ANO1: variants seen among roughly 807,000 people sequenced by gnomAD.
ANO1 encodes the protein anoctamin-1.
In ANO1, 59 loss-of-function variants were observed where a neutral mutation model predicts 124.0. The ratio of observed to expected loss-of-function variants is 0.48; its 90% CI spans 0.39 to 0.59. The LOEUF is 0.59. Among genes scored for constraint, ANO1 ranks in the 20% least tolerant of loss-of-function variants. ANO1 has a pLI of 0.00. For synonymous variants in ANO1, 529 were observed against 532.0 expected (o/e 0.99, Z 0.08); for missense variants, 1,059 against 1,328.0 (o/e 0.80, Z 3.15).
intron 1 of ANO1, among the ~76,000 whole-genome samples, chr11:69,998,309 C>A (rs1450975830): frequency 2.0e-5 from 3 of 152,232 alleles, no homozygotes; most frequent in African/African-American, 7.2e-5. Flanking sequence ...GCCTCTTGCC[C>A]CTTCCCCACC....
In ANO1 at chr11:70,105,801, C is replaced by A. The variant is rs753271806; in HGVS notation, c.747+13C>A. On this transcript the variant is annotated intron_variant, in intron 5 of 25. Coordinates refer to ENST00000355303, the MANE Select transcript of ANO1 (RefSeq NM_018043.7). ...CCGGAGCACGATTGTAAGTATCGCA[C>A]GCGCCTGGAAACGGCTCACTGGCAA... 6.2e-7 allele frequency: 1 copy of A among 1,612,488 alleles called. No homozygotes were observed. The highest frequency in any genetic ancestry group is 1.7e-5 in the Admixed American group (1 of 59,992).
intron 1 of ANO1, among the ~76,000 whole-genome samples, chr11:69,996,610 C>T (rs1010704547): frequency 2.0e-5 from 3 of 152,202 alleles, no homozygotes; most frequent in Non-Finnish European, 4.4e-5. Flanking sequence ...GGTCCAACCT[C>T]GTCCTTGAAC....
At chr11:70,014,849 T>C (rs1453183642) in intron 1 of ANO1, 2 of 149,446 alleles carry the variant, frequency 1.3e-5, no homozygotes, top group Non-Finnish European at 2.9e-5. Flanking sequence ...TTTCTTTTTT[T>C]TTTTTTTAGA....
Position 70,087,948 on chromosome 11 carries a change from C to A in ANO1, c.305C>A (p.Pro102Gln), listed in dbSNP as rs1158620064. 5 of 1,599,422 alleles carry A rather than the reference C, an allele frequency of 3.1e-6. No homozygotes were observed. Among genetic ancestry groups the A allele is most frequent in the Non-Finnish European group, 4.3e-6 (5 of 1,172,656 alleles). Residue 102 changes from proline (P) to glutamine (Q), a missense_variant, in exon 2 of 26, where the codon CCG (proline) becomes CAG (glutamine). By Grantham distance (76) the Pro-to-Gln change is moderately conservative (BLOSUM62 -1). Transcript: ENST00000355303. Reference protein sequence around the residue: ...ARSVKQDHPLPGKGASLDAGS... With the variant: ...ARSVKQDHPLQGKGASLDAGS... ...AGCGTCAAGCAGGACCACCCCCTGC[C>A]GGGCAAGGGGGCGTCGCTGGATGCA... is the stretch of plus-strand genomic sequence containing the variant.
chr11:70,086,772 G>A lies in ANO1; in HGVS notation c.109-980G>A, dbSNP rs537188943. 9.2e-4 allele frequency among the ~76,000 whole-genome samples: 140 copies of A among 152,296 alleles called. 1 individual carries two copies. The highest frequency in any genetic ancestry group is 3.0e-3 in the African/African-American group (126 of 41,552). ...AGGACGGACCCCAGCTGCACATAGC[G>A]GTGGCCGCTCCTTAACCCACCCCTG... is the stretch of plus-strand genomic sequence containing the variant. On this transcript the variant is annotated intron_variant, in intron 1 of 25. Coordinates refer to ENST00000355303, the MANE Select transcript of ANO1 (RefSeq NM_018043.7).
chr11:70,136,590 C>T (rs1374925759), intron 11 of ANO1, among the ~76,000 whole-genome samples: 1 of 147,534 alleles, frequency 6.8e-6, no homozygotes, highest in Non-Finnish European at 1.5e-5. Context: ...GGCCTGCAAG[C>T]CTCTGTGAGC....
chr11:70,023,074 C>G (rs543081134), intron 1 of ANO1, among the ~76,000 whole-genome samples: 51 of 152,364 alleles, frequency 3.3e-4, no homozygotes, highest in Admixed American at 9.8e-4. Context: ...CCAGAAGGAA[C>G]AGCCCTGCTG....
chr11:70,022,902 A>C (rs1555002758), intron 1 of ANO1, among the ~76,000 whole-genome samples: 2 of 152,200 alleles, frequency 1.3e-5, no homozygotes. Context: ...CTTATAAGTA[A>C]GAGGAGGCAG....
Position 70,078,504 on chromosome 11 carries a change from T to A in ANO1, c.-103T>A. On this transcript the variant is annotated 5_prime_UTR_variant, in exon 1 of 26. Coordinates refer to ENST00000355303, the MANE Select transcript of ANO1 (RefSeq NM_018043.7). Reference sequence around the variant, plus strand: ...CTGGGCGCGGGGAGGCCCGGCCCCCTGCGAGCGCGCCGCGAACGCTGCGGT... The same window carrying A: ...CTGGGCGCGGGGAGGCCCGGCCCCCAGCGAGCGCGCCGCGAACGCTGCGGT... 1 of 540,490 alleles carries A rather than the reference T, an allele frequency of 1.9e-6. No homozygotes were observed. The allele number at this position is 540,490 out of a possible 1,614,324, so 33.5% of individuals were successfully genotyped here. A position where few individuals can be genotyped will look rare whatever the true frequency, so the allele number is the denominator to read the frequency against.
intron 4 of ANO1, 86 bp from the exon 5 acceptor site, chr11:70,105,648 A>T: frequency 8.0e-7 from 1 of 1,244,926 alleles, no homozygotes. Flanking sequence ...GCTAATGGGG[A>T]CAGTGTGGTT....
intron 16 of ANO1, among the ~76,000 whole-genome samples, chr11:70,160,150 C>A (rs895517614): frequency 3.3e-5 from 5 of 152,154 alleles, no homozygotes; most frequent in Non-Finnish European, 5.9e-5. Flanking sequence ...CAGCAGGGAC[C>A]GGACCTGCCC....
chr11:70,088,869 G>A (rs963200566), intron 2 of ANO1, among the ~76,000 whole-genome samples: 49 of 152,208 alleles, frequency 3.2e-4, no homozygotes, highest in African/African-American at 1.2e-3. Flanking sequence ...GAAGTCCGTG[G>A]CTCTGTAACA....
At chr11:69,990,850 GA>G (rs1856139978) in intron 1 of ANO1, among the ~76,000 whole-genome samples, 1 of 152,126 alleles carries the variant, frequency 6.6e-6, no homozygotes, top group Non-Finnish European at 1.5e-5. Context: ...AGTTTTTATA[GA>G]GCTTGGATAT....
chr11:70,037,722 C>T (rs776353316), intron 1 of ANO1, among the ~76,000 whole-genome samples: 49 of 152,132 alleles, frequency 3.2e-4, no homozygotes, highest in Non-Finnish European at 6.9e-4. Context: ...GAACAGCTGC[C>T]AGGAAACCCG....
upstream of ANO1, among the ~76,000 whole-genome samples, chr11:70,077,008 G>T (rs2044069273): frequency 9.4e-6 from 1 of 105,896 alleles, no homozygotes. Flanking sequence ...AGGTCACAAG[G>T]CTGGAAGGTG....
At chr11:70,045,770 A>G (rs1857251308) in intron 1 of ANO1, among the ~76,000 whole-genome samples, 1 of 152,220 alleles carries the variant, frequency 6.6e-6, no homozygotes, top group Non-Finnish European at 1.5e-5. Context: ...CCAGAACCAT[A>G]CTGGCTTCAG....
At chr11:70,014,041 T>C (rs1257398936) in intron 1 of ANO1, among the ~76,000 whole-genome samples, 1 of 151,956 alleles carries the variant, frequency 6.6e-6, no homozygotes, top group Non-Finnish European at 1.5e-5. Context: ...CTCTTCCTCT[T>C]CTTATAAGAA....
chr11:70,078,064 G>T (rs945684251), upstream of ANO1, among the ~76,000 whole-genome samples: 2 of 152,190 alleles, frequency 1.3e-5, no homozygotes, highest in African/African-American at 4.8e-5. Flanking sequence ...CCACAGAAGC[G>T]CCTGCCACTC....
chr11:69,966,664 C>T, the ANO1 span, among the ~76,000 whole-genome samples: 1 of 151,620 alleles, frequency 6.6e-6, no homozygotes, highest in East Asian at 1.9e-4. Context: ...GGGGTTGGGG[C>T]GTTGGGGTGA....
Sources: allele counts gnomAD v4.1 joint callset (sites outside exome capture counted in the v4.1 genomes callset), GRCh38; gene constraint gnomAD v4.1.1; transcripts MANE v1.5; gene names NCBI Gene and HGNC (gene_info 2026-07-23, HGNC 2026-07-21).